Variants in SOX5 observed in about 807,000 individuals in gnomAD.
SOX5 encodes transcription factor SOX-5.
SOX5 carries 9 observed loss-of-function variants against 92.0 expected under a neutral mutation model. That is an observed-to-expected ratio of 0.10 (90% CI 0.06 to 0.17). The LOEUF is 0.17. Ranked by LOEUF, SOX5 falls within the 10% of genes least tolerant of loss-of-function variation. The probability of loss-of-function intolerance (pLI) is 1.00; values close to 1 mark genes in which losing one functional copy is unlikely to be tolerated. For missense variants in SOX5, 642 were observed against 944.5 expected, an observed-to-expected ratio of 0.68 and a Z score of 4.20; for synonymous variants, 344 against 336.3, an observed-to-expected ratio of 1.02 and a Z score of -0.25.
intron 1 of SOX5, among the ~76,000 whole-genome samples, chr12:24,508,235 T>G (rs1264853921): frequency 6.6e-6 from 1 of 151,566 alleles, no homozygotes; most frequent in African/African-American, 2.4e-5. Flanking sequence ...AGGAAGACAG[T>G]GGAAAGGGGA....
In SOX5 at chr12:23,563,238, A is replaced by G; in HGVS notation, c.1488+20T>C. 1 of 1,576,240 alleles carries G rather than the reference A, an allele frequency of 6.3e-7. No individual in the cohort carries two copies. The highest frequency in any genetic ancestry group is 1.7e-4 in the Middle Eastern group (1 of 5,874). Reference sequence around the variant, plus strand: ...ATTTAATTAAGTATTTCTAGAAAGTAAGTTATTTTATGAACTGACCTTTTC... The same window carrying G: ...ATTTAATTAAGTATTTCTAGAAAGTGAGTTATTTTATGAACTGACCTTTTC... On this transcript the variant is annotated intron_variant, in intron 11 of 14. Transcript: ENST00000451604.
intron 4 of SOX5, among the ~76,000 whole-genome samples, chr12:23,976,010 CAAA>C (rs1374114207): frequency 4.6e-5 from 7 of 151,682 alleles, no homozygotes; most frequent in Non-Finnish European, 1.0e-4. Flanking sequence ...CCACAATGAG[CAAA>C]AAGAAATATT....
chr12:24,135,006 A>G (rs1207256197), intron 4 of SOX5, among the ~76,000 whole-genome samples: 21 of 152,202 alleles, frequency 1.4e-4, no homozygotes. Context: ...ATCAGGCTGC[A>G]AAGACAGACA....
At chr12:24,293,122 G>A (rs16927420) in intron 2 of SOX5, among the ~76,000 whole-genome samples, 23,098 of 152,140 alleles carry the variant, frequency 0.15, 2,583 homozygotes, top group African/African-American at 0.32. Context: ...ATCCCACTCA[G>A]TCCAACAAGA....
intron 2 of SOX5, among the ~76,000 whole-genome samples, chr12:24,340,594 G>A (rs777023877): frequency 6.6e-6 from 1 of 152,184 alleles, no homozygotes; most frequent in Non-Finnish European, 1.5e-5. Context: ...AGAGCGTTCA[G>A]CCCAGTGATT....
At chr12:24,200,964 C>T (rs758643542) in intron 4 of SOX5, among the ~76,000 whole-genome samples, 39 of 152,152 alleles carry the variant, frequency 2.6e-4, no homozygotes, top group Non-Finnish European at 4.4e-5. Flanking sequence ...CTGACGTCCT[C>T]CACTGGTACC....
chr12:24,068,982 G>A (rs1233981169), intron 4 of SOX5, among the ~76,000 whole-genome samples: 1 of 147,634 alleles, frequency 6.8e-6, no homozygotes, highest in Non-Finnish European at 1.5e-5. Flanking sequence ...AACTTAGCAG[G>A]AATTTGGGAA....
At chr12:23,611,375 T>C (rs962847404) in intron 8 of SOX5, among the ~76,000 whole-genome samples, 2 of 139,070 alleles carry the variant, frequency 1.4e-5, no homozygotes, top group Non-Finnish European at 3.2e-5. Context: ...TGTGCGTGTG[T>C]GTGTGTGTGT....
chr12:24,480,343 G>T (rs912399865), intron 1 of SOX5, among the ~76,000 whole-genome samples: 3 of 152,084 alleles, frequency 2.0e-5, no homozygotes, highest in Non-Finnish European at 4.4e-5. Context: ...CAGGACACTG[G>T]ACTGGGCAAA....
intron 6 of SOX5, among the ~76,000 whole-genome samples, chr12:23,691,556 G>A (rs951445507): frequency 6.6e-6 from 1 of 152,056 alleles, no homozygotes; most frequent in Admixed American, 6.5e-5. Flanking sequence ...TTTATTTAAT[G>A]ATTATAAGAC....
intron 9 of SOX5, among the ~76,000 whole-genome samples, chr12:23,595,035 T>G (rs1014544681): frequency 6.6e-6 from 1 of 152,164 alleles, no homozygotes; most frequent in Non-Finnish European, 1.5e-5. Context: ...AATTACCCAT[T>G]TGTTTAATTG....
intron 1 of SOX5, among the ~76,000 whole-genome samples, chr12:24,424,695 G>A (rs1165292709): frequency 1.3e-5 from 2 of 151,782 alleles, no homozygotes; most frequent in Admixed American, 6.6e-5. Flanking sequence ...CTCCACAAAA[G>A]ATGCTTCCAT....
At chr12:24,014,522 C>CTA (rs1207817729) in intron 4 of SOX5, among the ~76,000 whole-genome samples, 3 of 152,168 alleles carry the variant, frequency 2.0e-5, no homozygotes, top group Non-Finnish European at 4.4e-5. Flanking sequence ...AATGGCCACT[C>CTA]TTCTAAAGAC....
chr12:24,458,583 C>A (rs1161099974), intron 1 of SOX5, among the ~76,000 whole-genome samples: 2 of 152,054 alleles, frequency 1.3e-5, no homozygotes, highest in Non-Finnish European at 2.9e-5. Context: ...TTTTAATTTT[C>A]CCAAGTGATT....
intron 6 of SOX5, among the ~76,000 whole-genome samples, chr12:23,714,519 A>T (rs2092333579): frequency 6.6e-6 from 1 of 152,092 alleles, no homozygotes; most frequent in Non-Finnish European, 1.5e-5. Flanking sequence ...CTATTAGGGA[A>T]GCTGAGGAAC....
intron 9 of SOX5, among the ~76,000 whole-genome samples, chr12:23,587,565 T>C (rs1451020287): frequency 1.3e-5 from 2 of 152,128 alleles, no homozygotes; most frequent in East Asian, 3.8e-4. Context: ...CCTTGTAATG[T>C]TCAATTTGAG....
At chr12:24,057,316 A>C (rs906215228) in intron 4 of SOX5, among the ~76,000 whole-genome samples, 1 of 152,192 alleles carries the variant, frequency 6.6e-6, no homozygotes, top group African/African-American at 2.4e-5. Context: ...AATAATTTTA[A>C]GGGTAATTAC....
intron 3 of SOX5, among the ~76,000 whole-genome samples, chr12:24,261,307 A>G (rs896853820): frequency 6.6e-6 from 1 of 152,208 alleles, no homozygotes; most frequent in Non-Finnish European, 1.5e-5. Context: ...CATCCTGAAC[A>G]GTTTTGGGGT....
At chr12:24,509,244 G>T (rs1383197731) in intron 1 of SOX5, among the ~76,000 whole-genome samples, 2 of 152,128 alleles carry the variant, frequency 1.3e-5, no homozygotes, top group African/African-American at 4.8e-5. Flanking sequence ...CAAATCCTTT[G>T]GTTTAAAGTG....
Sources: gnomAD v4.1 joint callset for allele counts (sites outside exome capture counted in the v4.1 genomes callset) on GRCh38, gnomAD v4.1.1 for gene constraint, MANE v1.5 for transcripts, NCBI Gene and HGNC (gene_info 2026-07-23, HGNC 2026-07-21) for gene names.